The following LRMDA variants were observed in gnomAD, a reference collection of about 807,000 sequenced individuals.
LRMDA encodes leucine-rich melanocyte differentiation-associated protein.
Under a neutral mutation model 29.8 loss-of-function variants are expected in LRMDA, and 18 were observed. The ratio of observed to expected loss-of-function variants is 0.60; its 90% CI spans 0.42 to 0.90. The LOEUF (loss-of-function observed/expected upper bound fraction) is 0.90. Ranked by LOEUF, LRMDA falls within the 40% of genes least tolerant of loss-of-function variation. The probability of loss-of-function intolerance (pLI) is 0.00; values close to 1 mark genes in which losing one functional copy is unlikely to be tolerated. For missense variants in LRMDA, 273 were observed against 273.9 expected (o/e 1.00, Z 0.02); for synonymous variants, 125 against 109.4 (o/e 1.14, Z -0.89).
chr10:75,888,054 C>T (rs2132350608), intron 2 of LRMDA, among the ~76,000 whole-genome samples: 1 of 152,314 alleles, frequency 6.6e-6, no homozygotes, highest in Admixed American at 6.5e-5. Flanking sequence ...ATCTAACCAT[C>T]TGCTTAATGG....
intron 2 of LRMDA, among the ~76,000 whole-genome samples, chr10:75,562,561 A>G (rs1412176026): frequency 1.3e-5 from 2 of 152,086 alleles, no homozygotes; most frequent in Non-Finnish European, 2.9e-5. Flanking sequence ...TGTGAATTTG[A>G]ACCTGTCATT....
chr10:75,722,833 A>G (rs1339157374), intron 2 of LRMDA, among the ~76,000 whole-genome samples: 1 of 152,226 alleles, frequency 6.6e-6, no homozygotes, highest in African/African-American at 2.4e-5. Flanking sequence ...TCACTTTAAA[A>G]CAGGAGCCAA....
intron 6 of LRMDA, among the ~76,000 whole-genome samples, chr10:76,471,233 T>G (rs1407426675): frequency 2.0e-5 from 3 of 151,716 alleles, no homozygotes; most frequent in Non-Finnish European, 3.0e-5. Context: ...CATAAAATTA[T>G]ATAAATAATA....
At chr10:76,214,812 C>A (rs1254370423) in intron 5 of LRMDA, among the ~76,000 whole-genome samples, 3 of 152,166 alleles carry the variant, frequency 2.0e-5, no homozygotes, top group Non-Finnish European at 4.4e-5. Context: ...GAGACCAGCA[C>A]TTGCTTGGGC....
At chr10:75,689,549 G>T (rs1842120242) in intron 2 of LRMDA, among the ~76,000 whole-genome samples, 1 of 152,162 alleles carries the variant, frequency 6.6e-6, no homozygotes, top group African/African-American at 2.4e-5. Context: ...TCGGATGTGA[G>T]TTATCTCCTT....
chr10:76,069,050 A>C (rs1030384725), intron 5 of LRMDA, among the ~76,000 whole-genome samples: 10 of 152,242 alleles, frequency 6.6e-5, no homozygotes, highest in Non-Finnish European at 1.3e-4. Context: ...CAACACCTCT[A>C]GAACATCCAA....
At chr10:76,409,420 C>T (rs11001773) in intron 6 of LRMDA, among the ~76,000 whole-genome samples, 2,301 of 152,098 alleles carry the variant, frequency 0.015, 33 homozygotes, top group Non-Finnish European at 0.024. Context: ...AATGAGTTAA[C>T]ATTAGATTTT....
chr10:75,579,461 G>A (rs546670025), intron 2 of LRMDA, among the ~76,000 whole-genome samples: 2 of 152,262 alleles, frequency 1.3e-5, no homozygotes, highest in South Asian at 4.1e-4. Flanking sequence ...TCCAGGACCC[G>A]ATGGATTCAC....
intron 2 of LRMDA, among the ~76,000 whole-genome samples, chr10:75,707,121 C>A (rs1589165240): frequency 1.3e-5 from 2 of 152,280 alleles, no homozygotes; most frequent in South Asian, 4.1e-4. Context: ...ATGTTTAGGG[C>A]ATGTTAGGAT....
chr10:76,090,578 C>A (rs1179246047), intron 5 of LRMDA, among the ~76,000 whole-genome samples: 1 of 152,090 alleles, frequency 6.6e-6, no homozygotes, highest in Non-Finnish European at 1.5e-5. Context: ...TATTTGAACA[C>A]CCATGTTCGT....
Position 76,326,009 on chromosome 10 carries a change from G to T in LRMDA, c.601+1524G>T, listed in dbSNP as rs1186391840. Reference sequence around the variant, plus strand: ...ACATCAGGGCTTAACATCAATGAGAGAAATGTAAAGACGTTATTTAAAGAG... The same window carrying T: ...ACATCAGGGCTTAACATCAATGAGATAAATGTAAAGACGTTATTTAAAGAG... On this transcript the variant is annotated intron_variant, in intron 6 of 6. Coordinates refer to ENST00000611255, the MANE Select transcript of LRMDA (RefSeq NM_001305581.2). 3.9e-5 allele frequency among the ~76,000 whole-genome samples: 6 copies of T among 152,178 alleles called. No homozygotes were observed. The East Asian group carries it at 7.7e-4, about 20-fold the overall frequency.
intron 2 of LRMDA, among the ~76,000 whole-genome samples, chr10:75,485,536 A>G (rs1291287303): frequency 1.3e-5 from 2 of 152,130 alleles, no homozygotes; most frequent in African/African-American, 4.8e-5. Flanking sequence ...AGCTGGCACT[A>G]CAGGTGTGTG....
intron 5 of LRMDA, among the ~76,000 whole-genome samples, chr10:76,262,505 C>CT (rs1305655598): frequency 1.3e-5 from 2 of 152,202 alleles, no homozygotes; most frequent in Admixed American, 1.3e-4. Context: ...TTTCCCATTT[C>CT]TGGGTCTCAG....
At chr10:76,435,711 C>T (rs922837323) in intron 6 of LRMDA, among the ~76,000 whole-genome samples, 3 of 152,138 alleles carry the variant, frequency 2.0e-5, no homozygotes, top group Admixed American at 6.5e-5. Context: ...GTCCCAAGTG[C>T]CATGCTCATA....
rs186650732 is a variant in LRMDA, at chr10:76,296,960, C to T, written c.517-27441C>T. Reference sequence around the variant, plus strand: ...TGTGATCTCAAGTGCAAAGAAGTGGCGTGAGATGCTGAGAGTCACACAGCT... The same window carrying T: ...TGTGATCTCAAGTGCAAAGAAGTGGTGTGAGATGCTGAGAGTCACACAGCT... On this transcript the variant is annotated intron_variant, in intron 5 of 6. Coordinates refer to ENST00000611255, the MANE Select transcript of LRMDA (RefSeq NM_001305581.2). 1.3e-3 allele frequency among the ~76,000 whole-genome samples: 197 copies of T among 152,232 alleles called. 1 individual carries two copies. The highest frequency in any genetic ancestry group is 4.1e-3 in the African/African-American group (171 of 41,550).
rs367841541 is a variant in LRMDA at position 75,723,848 on chromosome 10, G to C, written c.131+285354G>C. Among the ~76,000 whole-genome samples, 6 of 152,218 alleles carry C rather than the reference G, an allele frequency of 3.9e-5. No individual in the cohort carries two copies. In the East Asian group the frequency reaches 1.2e-3, roughly 29 times the overall value. On this transcript the variant is annotated intron_variant, in intron 2 of 6. Coordinates refer to ENST00000611255, the MANE Select transcript of LRMDA (RefSeq NM_001305581.2). ...ACAGGATGCCTTTGTGAAGTATGGGGGTTTGTTTAATGTTCTGACAACAAT... is the reference window on the plus strand; with the variant it reads ...ACAGGATGCCTTTGTGAAGTATGGGCGTTTGTTTAATGTTCTGACAACAAT...
intron 2 of LRMDA, among the ~76,000 whole-genome samples, chr10:75,997,307 C>A (rs1164386531): frequency 6.6e-6 from 1 of 152,134 alleles, no homozygotes; most frequent in Admixed American, 6.5e-5. Context: ...CACTTATAAA[C>A]ATTTACCCAT....
intron 2 of LRMDA, among the ~76,000 whole-genome samples, chr10:76,022,422 G>A (rs1470253075): frequency 6.6e-6 from 1 of 152,180 alleles, no homozygotes; most frequent in East Asian, 1.9e-4. Flanking sequence ...CTGTCTAATT[G>A]CTGCTCTTGG....
chr10:76,084,542 T>C (rs1036831208), intron 5 of LRMDA, among the ~76,000 whole-genome samples: 2 of 151,996 alleles, frequency 1.3e-5, no homozygotes, highest in Non-Finnish European at 2.9e-5. Context: ...ACCAGAAAGA[T>C]ATTTGGTTCA....
Sources: gnomAD v4.1 joint callset for allele counts (sites outside exome capture counted in the v4.1 genomes callset) on GRCh38, gnomAD v4.1.1 for gene constraint, MANE v1.5 for transcripts, NCBI Gene and HGNC (gene_info 2026-07-23, HGNC 2026-07-21) for gene names.